The following RELCH variants were observed in gnomAD, a reference collection of about 807,000 sequenced individuals.
The protein encoded by RELCH is RAB11 binding and LisH domain, coiled-coil and HEAT repeat containing, also known as RAB11-binding protein RELCH.
In RELCH, 41 loss-of-function variants were observed where a neutral mutation model predicts 150.3. That is an observed-to-expected ratio of 0.27 (90% CI 0.21 to 0.35). RELCH has a LOEUF of 0.35. Among genes scored for constraint, RELCH ranks in the 10% least tolerant of loss-of-function variants. RELCH has a pLI of 1.00. For missense variants in RELCH, 1,092 were observed against 1,467.8 expected (o/e 0.74, Z 4.18); for synonymous variants, 478 against 531.8 (o/e 0.90, Z 1.39).
intron 25 of RELCH, chr18:62,285,709 T>G (rs2044755522): frequency 1.3e-5 from 2 of 152,226 alleles, no homozygotes; most frequent in Admixed American, 1.3e-4. Context: ...GCACTATGAT[T>G]GCACCTGTGA....
chr18:62,224,836 C>A (rs938961388), intron 5 of RELCH, among the ~76,000 whole-genome samples: 3 of 152,024 alleles, frequency 2.0e-5, no homozygotes, highest in African/African-American at 7.2e-5. Context: ...ATCTAAATCT[C>A]ACTTCTTACT....
intron 1 of RELCH, among the ~76,000 whole-genome samples, chr18:62,209,877 A>T (rs1346522372): frequency 6.6e-6 from 1 of 152,200 alleles, no homozygotes; most frequent in East Asian, 1.9e-4. Flanking sequence ...GTGTTTGGAA[A>T]TGAAACTTGT....
chr18:62,192,674 A>G (rs1280860003), intron 1 of RELCH, among the ~76,000 whole-genome samples: 4 of 152,062 alleles, frequency 2.6e-5, no homozygotes. Flanking sequence ...TTTGTCATGT[A>G]TGTCAAAGAT....
At position 62,227,340 on chromosome 18, in the gene RELCH, T is replaced by C. The variant is rs911411515; in HGVS notation, c.910T>C (p.Leu304=). ...ATTAAACATTCCAAAACCTCCAGAC[T>C]TATTGCAACTCTACCGGGATTTTGG... ...VGLNIPKPPD[L]LQLYRDFGNH... Residue 304 remains leucine (L), a synonymous_variant, in exon 6 of 29, where the codon TTA becomes CTA. Coordinates refer to ENST00000644646, the MANE Select transcript of RELCH (RefSeq NM_001346231.2). 6.2e-7 allele frequency: 1 copy of C among 1,612,340 alleles called. No individual in the cohort carries two copies. Among genetic ancestry groups the C allele is most frequent in the Non-Finnish European group, 8.5e-7 (1 of 1,178,692 alleles).
chr18:62,228,286 T>C lies in RELCH; in HGVS notation c.1155-19T>C, dbSNP rs1247536736. 6.3e-7 allele frequency: 1 copy of C among 1,586,040 alleles called. No homozygotes were observed. On this transcript the variant is annotated intron_variant, in intron 7 of 28. Transcript: ENST00000644646. Reference sequence around the variant, plus strand: ...TACAGTTGTCCTCTGGTGATTTCTCTTAATTTCTCTTTCTACAGTGAAATG... The same window carrying C: ...TACAGTTGTCCTCTGGTGATTTCTCCTAATTTCTCTTTCTACAGTGAAATG...
intron 9 of RELCH, 88 bp downstream of exon 9, chr18:62,231,357 TG>T: frequency 1.3e-6 from 1 of 761,060 alleles, no homozygotes; most frequent in Non-Finnish European, 2.2e-6. Context: ...GAAGCATCTG[TG>T]ATAAGACTGT....
chr18:62,205,704 A>G lies in RELCH; in HGVS notation c.527-5449A>G, dbSNP rs148295958. Among the ~76,000 whole-genome samples the G allele has an allele frequency of 2.3e-3, 346 of 152,290 alleles. 4 individuals are homozygous for G. Among genetic ancestry groups the G allele is most frequent in the African/African-American group, 7.9e-3 (329 of 41,560 alleles). ...GTACTGTAATATTTGGCTTTCTGTCATCATTATTTTTGTTTATGTTGTCTT... is the reference window on the plus strand; with the variant it reads ...GTACTGTAATATTTGGCTTTCTGTCGTCATTATTTTTGTTTATGTTGTCTT... On this transcript the variant is annotated intron_variant, in intron 1 of 28. Transcript: ENST00000644646.
At chr18:62,298,032 GTC>G (rs2045496574) in intron 27 of RELCH, among the ~76,000 whole-genome samples, 1 of 151,582 alleles carries the variant, frequency 6.6e-6, no homozygotes, top group Admixed American at 6.6e-5. Context: ...TTGTGTATCT[GTC>G]TCTCTTACTA....
At chr18:62,234,320 G>GT (rs201092211) in intron 10 of RELCH, among the ~76,000 whole-genome samples, 48 of 144,642 alleles carry the variant, frequency 3.3e-4, no homozygotes, top group Admixed American at 5.5e-4. Context: ...TGTTTTTTGG[G>GT]TTTTTTTTTT....
At chr18:62,231,160 T>A in intron 8 of RELCH, 34 bp from the exon 9 acceptor site, 1 of 1,305,306 alleles carries the variant, frequency 7.7e-7, no homozygotes, top group South Asian at 1.2e-5. Flanking sequence ...GGTAATTATT[T>A]GATATTGTCT....
At chr18:62,249,172 T>C (rs1346541512) in intron 11 of RELCH, among the ~76,000 whole-genome samples, 2 of 152,326 alleles carry the variant, frequency 1.3e-5, no homozygotes, top group Admixed American at 6.5e-5. Flanking sequence ...CTGATATAAT[T>C]TTTCCTCTTC....
intron 13 of RELCH, among the ~76,000 whole-genome samples, chr18:62,256,300 A>G (rs2042989019): frequency 6.6e-6 from 1 of 152,088 alleles, no homozygotes; most frequent in Non-Finnish European, 1.5e-5. Flanking sequence ...GAAACCAAGT[A>G]GACAGCATTC....
At chr18:62,275,311 T>G in intron 21 of RELCH, 63 bp from the exon 22 acceptor site, 1 of 751,296 alleles carries the variant, frequency 1.3e-6, no homozygotes, top group Non-Finnish European at 2.2e-6. Context: ...ATCGTGTTTT[T>G]CAGTTCACTA....
intron 23 of RELCH, chr18:62,280,268 A>G (rs560262129): frequency 2.1e-5 from 21 of 1,006,904 alleles, no homozygotes; most frequent in Admixed American, 1.3e-4. Flanking sequence ...AGAAAGGCCA[A>G]TGAGTCTGCC....
At chr18:62,280,363 ACT>A in intron 23 of RELCH, 1 of 1,613,638 alleles carries the variant, frequency 6.2e-7, no homozygotes, top group Non-Finnish European at 8.5e-7. Context: ...TTTACAGCTG[ACT>A]CTTCGAGGCA....
At chr18:62,196,417 A>G (rs2039052770) in intron 1 of RELCH, among the ~76,000 whole-genome samples, 1 of 152,006 alleles carries the variant, frequency 6.6e-6, no homozygotes, top group African/African-American at 2.4e-5. Flanking sequence ...TTTGGTAGAG[A>G]TTAGGTTTTG....
At position 62,221,473 on chromosome 18, in the gene RELCH, C is replaced by A. The variant is rs745871965; in HGVS notation, c.834C>A (p.Thr278=). The change falls in exon 5 of 29, where the codon ACC becomes ACA. Residue 278 remains threonine (T), a synonymous_variant. Coordinates refer to ENST00000644646, the MANE Select transcript of RELCH (RefSeq NM_001346231.2). ...ATAACTATAAGCTTACATCAATAAC[C>A]TTTTCAGATGAAAACGATGATCAGG... ...LKNNYKLTSI[T]FSDENDDQDF... 6.6e-7 allele frequency: 1 copy of A among 1,517,914 alleles called. No homozygotes were observed. The highest frequency in any genetic ancestry group is 9.0e-7 in the Non-Finnish European group (1 of 1,113,288). 94.0% of individuals were successfully genotyped at this position (1,517,914 alleles called of 1,614,324 possible). A position where few individuals can be genotyped will look rare whatever the true frequency, so the allele number is the denominator to read the frequency against.
chr18:62,191,932 A>G (rs1291792353), intron 1 of RELCH, among the ~76,000 whole-genome samples: 2 of 152,168 alleles, frequency 1.3e-5, no homozygotes, highest in Non-Finnish European at 2.9e-5. Flanking sequence ...TGCTGGGTCA[A>G]ATGGTATTTC....
chr18:62,266,637 T>A, intron 18 of RELCH, 64 bp from the exon 19 acceptor site: 1 of 999,214 alleles, frequency 1.0e-6, no homozygotes. Context: ...GTAGTAAACA[T>A]TTCATTTAAT....
Sources: allele counts gnomAD v4.1 joint callset (sites outside exome capture counted in the v4.1 genomes callset), GRCh38; gene constraint gnomAD v4.1.1; transcripts MANE v1.5; gene names NCBI Gene and HGNC (gene_info 2026-07-23, HGNC 2026-07-21).